The following CACNA1E variants were observed in gnomAD, a reference collection of about 807,000 sequenced individuals.
CACNA1E encodes voltage-dependent R-type calcium channel subunit alpha-1E.
In CACNA1E, 40 loss-of-function variants were observed where a neutral mutation model predicts 259.2. The ratio of observed to expected loss-of-function variants is 0.15; its 90% CI spans 0.12 to 0.20. The LOEUF (loss-of-function observed/expected upper bound fraction) is 0.20. CACNA1E is among the 10% of genes least tolerant of loss of function. The pLI is 1.00. For missense variants in CACNA1E, 1,874 were observed against 3,040.1 expected, an observed-to-expected ratio of 0.62 and a Z score of 9.02; for synonymous variants, 1,104 against 1,138.5, an observed-to-expected ratio of 0.97 and a Z score of 0.61.
At chr1:181,544,286 A>G (rs1006395884) in intron 3 of CACNA1E, among the ~76,000 whole-genome samples, 1 of 152,144 alleles carries the variant, frequency 6.6e-6, no homozygotes, top group Non-Finnish European at 1.5e-5. Flanking sequence ...TTGTTACGAA[A>G]GGCTGGTAGA....
At chr1:181,571,128 T>G (rs1474831141) in intron 3 of CACNA1E, among the ~76,000 whole-genome samples, 2 of 152,172 alleles carry the variant, frequency 1.3e-5, no homozygotes, top group African/African-American at 4.8e-5. Flanking sequence ...TATTTTTTTT[T>G]AATCCTTGTT....
chr1:181,701,445 C>T (rs1271863306), intron 7 of CACNA1E, among the ~76,000 whole-genome samples: 1 of 152,170 alleles, frequency 6.6e-6, no homozygotes, highest in Admixed American at 6.5e-5. Context: ...TCTTCCTGCA[C>T]CACGGGGCTT....
chr1:181,693,128 C>CAAAAAAAAAA (rs61662957), intron 7 of CACNA1E, among the ~76,000 whole-genome samples: 16 of 97,828 alleles, frequency 1.6e-4, no homozygotes, highest in Non-Finnish European at 1.8e-4. Context: ...CTATCTAAAG[C>CAAAAAAAAAA]AAAAAAAAAA....
chr1:181,503,109 T>C (rs949684894), intron 1 of CACNA1E, among the ~76,000 whole-genome samples: 6 of 152,198 alleles, frequency 3.9e-5, no homozygotes, highest in African/African-American at 1.4e-4. Flanking sequence ...AGGAAGACCA[T>C]GAGGGATGCA....
chr1:181,660,095 C>T (rs1316169732), intron 7 of CACNA1E, among the ~76,000 whole-genome samples: 1 of 152,196 alleles, frequency 6.6e-6, no homozygotes, highest in African/African-American at 2.4e-5. Context: ...GCAGAAGATG[C>T]CAAGACCCAC....
At chr1:181,365,241 C>G (rs187051049) in intron 1 of CACNA1E, among the ~76,000 whole-genome samples, 1 of 152,226 alleles carries the variant, frequency 6.6e-6, no homozygotes, top group Non-Finnish European at 1.5e-5. Context: ...GATCATGGCT[C>G]TCTGCTGCCT....
chr1:181,739,296 TC>T, intron 25 of CACNA1E, 43 bp downstream of exon 25: 1 of 1,235,676 alleles, frequency 8.1e-7, no homozygotes, highest in South Asian at 1.2e-5. Flanking sequence ...CTTCCCCTCT[TC>T]CTGGAGACTC....
At chr1:181,350,229 T>C (rs1343515046) in intron 1 of CACNA1E, among the ~76,000 whole-genome samples, 6 of 152,222 alleles carry the variant, frequency 3.9e-5, no homozygotes, top group Non-Finnish European at 8.8e-5. Flanking sequence ...GCAAGTGATA[T>C]TCTTCTTCTC....
intron 2 of CACNA1E, among the ~76,000 whole-genome samples, chr1:181,425,219 T>C (rs1324690425): frequency 1.3e-5 from 2 of 152,040 alleles, no homozygotes; most frequent in Non-Finnish European, 2.9e-5. Context: ...AGCACTCACA[T>C]CACAAGAAAG....
At chr1:181,431,507 G>A (rs1430832441) in intron 2 of CACNA1E, among the ~76,000 whole-genome samples, 2 of 152,274 alleles carry the variant, frequency 1.3e-5, no homozygotes, top group East Asian at 3.9e-4. Context: ...GAAAAGTAGG[G>A]TAGCTTCTAC....
At position 181,555,039 on chromosome 1, in the gene CACNA1E, G is replaced by A. The variant is rs557297039; in HGVS notation, c.513-22727G>A. ...CACAGATGCTGAGATGCTCATACAGGAGAATGTTTGTGTAAAAGTGCTTCT... is the reference window on the plus strand; with the variant it reads ...CACAGATGCTGAGATGCTCATACAGAAGAATGTTTGTGTAAAAGTGCTTCT... On this transcript the variant is annotated intron_variant, in intron 3 of 47. Coordinates refer to ENST00000367573, the MANE Select transcript of CACNA1E (RefSeq NM_001205293.3). 3.4e-4 allele frequency among the ~76,000 whole-genome samples: 52 copies of A among 152,274 alleles called. 1 individual carries two copies. Among genetic ancestry groups the A allele is most frequent in the African/African-American group, 9.9e-4 (41 of 41,544 alleles).
intron 3 of CACNA1E, among the ~76,000 whole-genome samples, chr1:181,540,064 A>G (rs1347968445): frequency 6.6e-6 from 1 of 152,120 alleles, no homozygotes; most frequent in Non-Finnish European, 1.5e-5. Flanking sequence ...TGGGTGTGAC[A>G]TCCTGTTGTG....
At chr1:181,693,128 C>CAAAAAAAAAAA (rs61662957) in intron 7 of CACNA1E, among the ~76,000 whole-genome samples, 8 of 97,844 alleles carry the variant, frequency 8.2e-5, no homozygotes, top group East Asian at 6.6e-4. Context: ...CTATCTAAAG[C>CAAAAAAAAAAA]AAAAAAAAAA....
At chr1:181,407,710 A>C (rs773537389) in intron 1 of CACNA1E, among the ~76,000 whole-genome samples, 1 of 152,126 alleles carries the variant, frequency 6.6e-6, no homozygotes. Context: ...TCCCTAGATG[A>C]ATATTTATTT....
intron 1 of CACNA1E, among the ~76,000 whole-genome samples, chr1:181,509,480 T>C (rs143847980): frequency 6.6e-6 from 1 of 152,278 alleles, no homozygotes; most frequent in East Asian, 1.9e-4. Flanking sequence ...CAGAATCTTC[T>C]GGAGCACAGG....
At chr1:181,430,209 C>T (rs896228892) in intron 2 of CACNA1E, among the ~76,000 whole-genome samples, 3 of 152,108 alleles carry the variant, frequency 2.0e-5, no homozygotes, top group Non-Finnish European at 2.9e-5. Context: ...AGCAGTCTCT[C>T]GTTGTAAGGC....
chr1:181,721,954 G>A, intron 16 of CACNA1E, 79 bp downstream of exon 16: 2 of 942,360 alleles, frequency 2.1e-6, no homozygotes, highest in South Asian at 2.6e-5. Context: ...TGGTGGTGGT[G>A]CTAGAGCTTG....
chr1:181,773,716 T>G (rs1415249655), intron 37 of CACNA1E, among the ~76,000 whole-genome samples: 3 of 152,230 alleles, frequency 2.0e-5, no homozygotes, highest in Non-Finnish European at 2.9e-5. Flanking sequence ...CGGTGCTCAC[T>G]GCTAGGGTGA....
Position 181,736,415 on chromosome 1 carries a change from A to G in CACNA1E, c.3403A>G (p.Ile1135Val), listed in dbSNP as rs984217461. Residue 1135 changes from isoleucine (I) to valine (V), a missense_variant, in exon 22 of 48, where the codon ATC (isoleucine) becomes GTC (valine). Physicochemically the swap from Ile to Val is conservative, Grantham distance 29. Coordinates refer to ENST00000367573, the MANE Select transcript of CACNA1E (RefSeq NM_001205293.3). ...KAMVPHSSMF[I>V]FSTTNPIRRA... Reference sequence around the variant, plus strand: ...CATGGTGCCCCACAGCTCAATGTTCATCTTCAGCACCACCAACCCGTAAGC... The same window carrying G: ...CATGGTGCCCCACAGCTCAATGTTCGTCTTCAGCACCACCAACCCGTAAGC... 12 of 1,612,560 alleles carry G rather than the reference A, an allele frequency of 7.4e-6. No homozygotes were observed. The highest frequency in any genetic ancestry group is 2.7e-5 in the African/African-American group (2 of 74,906).
Sources: gnomAD v4.1 joint callset for allele counts (sites outside exome capture counted in the v4.1 genomes callset) on GRCh38, gnomAD v4.1.1 for gene constraint, MANE v1.5 for transcripts, NCBI Gene and HGNC (gene_info 2026-07-23, HGNC 2026-07-21) for gene names.